The following IMPG1 variants were observed in gnomAD, a reference collection of about 807,000 sequenced individuals.
IMPG1 encodes interphotoreceptor matrix proteoglycan of 150 kDa.
A neutral mutation model predicts 92.0 loss-of-function variants in IMPG1; 85 were observed. The ratio of observed to expected loss-of-function variants is 0.92; its 90% CI spans 0.78 to 1.11. IMPG1 has a LOEUF of 1.11. IMPG1 is among the 50% of genes least tolerant of loss of function. IMPG1 has a pLI of 0.00. For synonymous variants in IMPG1, 367 were observed against 334.1 expected (o/e 1.10, Z -1.08); for missense variants, 1,022 against 956.0 (o/e 1.07, Z -0.91).
chr6:75,930,681 C>T (rs754768400), intron 15 of IMPG1, among the ~76,000 whole-genome samples: 4 of 152,210 alleles, frequency 2.6e-5, no homozygotes, highest in African/African-American at 7.2e-5. Flanking sequence ...GAACCCTTGC[C>T]GGGAAGCCTA....
chr6:76,066,741 G>A (rs962189300), intron 1 of IMPG1, among the ~76,000 whole-genome samples: 3 of 152,052 alleles, frequency 2.0e-5, no homozygotes, highest in Non-Finnish European at 4.4e-5. Context: ...AACAACTGCA[G>A]AATATACATT....
intron 15 of IMPG1, among the ~76,000 whole-genome samples, chr6:75,925,669 A>ATTTGTTTG (rs10639432): frequency 0.51 from 77,151 of 150,716 alleles, 20,076 homozygotes; most frequent in East Asian, 0.71. Context: ...TGTGTTTTTT[A>ATTTGTTTG]TTTGTTTGTT....
At chr6:75,929,371 T>G (rs2149449629) in intron 15 of IMPG1, among the ~76,000 whole-genome samples, 1 of 152,134 alleles carries the variant, frequency 6.6e-6, no homozygotes, top group African/African-American at 2.4e-5. Context: ...GTCATGTGGG[T>G]TTCTTCTATG....
intron 12 of IMPG1, among the ~76,000 whole-genome samples, chr6:75,988,569 AT>A (rs1216230254): frequency 6.6e-6 from 1 of 152,200 alleles, no homozygotes; most frequent in Non-Finnish European, 1.5e-5. Flanking sequence ...CACTGAAAAT[AT>A]TCAGCCCCTT....
intron 1 of IMPG1, among the ~76,000 whole-genome samples, chr6:76,053,677 T>C (rs1784077704): frequency 6.6e-6 from 1 of 152,126 alleles, no homozygotes; most frequent in Admixed American, 6.6e-5. Flanking sequence ...ATTTGTATCA[T>C]CCGATTCCTA....
intron 6 of IMPG1, 111 bp downstream of exon 6, chr6:76,022,005 A>T: frequency 1.7e-6 from 1 of 575,684 alleles, no homozygotes; most frequent in Non-Finnish European, 3.3e-6. Context: ...GAGTCACAAA[A>T]ATACAGCACT....
chr6:76,046,550 CAAATCATATA>C (rs1783947488), intron 1 of IMPG1, among the ~76,000 whole-genome samples: 1 of 152,122 alleles, frequency 6.6e-6, no homozygotes, highest in African/African-American at 2.4e-5. Flanking sequence ...AGTAGCAGCA[CAAATCATATA>C]ATGTCACTCA....
intron 1 of IMPG1, among the ~76,000 whole-genome samples, chr6:76,060,674 C>A (rs1034214931): frequency 1.3e-5 from 2 of 152,164 alleles, no homozygotes; most frequent in African/African-American, 4.8e-5. Context: ...TTAAAACTCA[C>A]ATTTTGGTCA....
intron 2 of IMPG1, among the ~76,000 whole-genome samples, chr6:76,035,642 C>A (rs1783731199): frequency 6.6e-6 from 1 of 152,014 alleles, no homozygotes; most frequent in African/African-American, 2.4e-5. Flanking sequence ...AGCAGGCACA[C>A]AATATTTAAA....
intron 12 of IMPG1, among the ~76,000 whole-genome samples, chr6:75,974,330 C>CTTTCTTTCTTT (rs1782473966): frequency 1.0e-5 from 1 of 98,212 alleles, no homozygotes. Flanking sequence ...TCTTTCTTTC[C>CTTTCTTTCTTT]CTTTCTTTCT....
chr6:75,974,424 CCTTG>C lies in IMPG1; in HGVS notation c.1292-23334_1292-23331del, dbSNP rs1490466234. Among the ~76,000 whole-genome samples, 151 of 131,406 alleles carry C rather than the reference CCTTG, an allele frequency of 1.1e-3. 3 individuals carry two copies. The highest frequency in any genetic ancestry group is 4.0e-3 in the African/African-American group (135 of 33,788). 86.2% of individuals were successfully genotyped at this position (131,406 alleles called of 152,430 possible). On this transcript the variant is annotated intron_variant, in intron 12 of 16. Coordinates refer to ENST00000369950, the MANE Select transcript of IMPG1 (RefSeq NM_001563.4). ...TCTTTCCTTCCTTCCTTCCTTCCTTCCTTGCTTCCTTCCTTCCTTCCTTCCTTCT... is the reference window on the plus strand; with the variant it reads ...TCTTTCCTTCCTTCCTTCCTTCCTTCCTTCCTTCCTTCCTTCCTTCCTTCT...
chr6:76,049,970 T>G (rs1582130355), intron 1 of IMPG1, among the ~76,000 whole-genome samples: 2 of 152,244 alleles, frequency 1.3e-5, no homozygotes, highest in East Asian at 3.9e-4. Context: ...TGCAACCCAG[T>G]GTAACTATGA....
rs866367931 is a variant in IMPG1, at chr6:75,924,728, T to A, written c.2244-1022A>T. 6.2e-4 allele frequency among the ~76,000 whole-genome samples: 21 copies of A among 34,044 alleles called. 4 individuals are homozygous for A. Among genetic ancestry groups the A allele is most frequent in the South Asian group, 9.2e-4 (1 of 1,088 alleles). The allele number at this position is 34,044 out of a possible 152,430, so 22.3% of individuals were successfully genotyped here. A position where few individuals can be genotyped will look rare whatever the true frequency, so the allele number is the denominator to read the frequency against. On this transcript the variant is annotated intron_variant, in intron 15 of 16. Transcript: ENST00000369950. ...TATAATATATAATATATAATATAAT[T>A]ATATATAATATATAATATATAATAT...
At chr6:75,928,776 A>AT (rs1310095973) in intron 15 of IMPG1, among the ~76,000 whole-genome samples, 3 of 152,224 alleles carry the variant, frequency 2.0e-5, no homozygotes, top group African/African-American at 7.2e-5. Flanking sequence ...ATCGAACTAT[A>AT]CAAAACTGCC....
intron 12 of IMPG1, among the ~76,000 whole-genome samples, chr6:75,971,623 T>C (rs1782419050): frequency 6.6e-6 from 1 of 152,142 alleles, no homozygotes; most frequent in South Asian, 2.1e-4. Context: ...TTTTGAGAAA[T>C]ATACTTTACA....
chr6:76,067,060 A>G (rs563112830), intron 1 of IMPG1, among the ~76,000 whole-genome samples: 137 of 152,244 alleles, frequency 9.0e-4, no homozygotes, highest in Non-Finnish European at 1.5e-3. Context: ...AGAGAAGTTT[A>G]TAGTGTTTTA....
At chr6:75,937,832 C>A (rs1174903237) in intron 14 of IMPG1, among the ~76,000 whole-genome samples, 1 of 152,154 alleles carries the variant, frequency 6.6e-6, no homozygotes, top group Non-Finnish European at 1.5e-5. Context: ...ATTTACCGGC[C>A]TTGAGGGCTG....
intron 4 of IMPG1, among the ~76,000 whole-genome samples, chr6:76,034,074 A>C (rs780332392): frequency 6.6e-6 from 1 of 152,222 alleles, no homozygotes; most frequent in Non-Finnish European, 1.5e-5. Context: ...CATAGCAATA[A>C]ATTCATTTTA....
At chr6:76,039,774 G>T (rs1157197529) in intron 2 of IMPG1, among the ~76,000 whole-genome samples, 1 of 152,168 alleles carries the variant, frequency 6.6e-6, no homozygotes, top group Non-Finnish European at 1.5e-5. Flanking sequence ...ATTTGGCTGG[G>T]GCACAGAGTT....
Sources: gnomAD v4.1 joint callset for allele counts (sites outside exome capture counted in the v4.1 genomes callset) on GRCh38, gnomAD v4.1.1 for gene constraint, MANE v1.5 for transcripts, NCBI Gene and HGNC (gene_info 2026-07-23, HGNC 2026-07-21) for gene names.